The following ERBB4 variants were observed in gnomAD, a reference collection of about 807,000 sequenced individuals.
The protein encoded by ERBB4 is receptor tyrosine-protein kinase erbB-4.
Under a neutral mutation model 158.0 loss-of-function variants are expected in ERBB4, and 42 were observed. That is an observed-to-expected ratio of 0.27 (90% CI 0.21 to 0.34). The LOEUF (loss-of-function observed/expected upper bound fraction) is 0.34. Ranked by LOEUF, ERBB4 falls within the 10% of genes least tolerant of loss-of-function variation. The pLI is 1.00. For missense variants in ERBB4, 1,333 were observed against 1,624.1 expected (o/e 0.82, Z 3.08); for synonymous variants, 583 against 558.7 (o/e 1.04, Z -0.61).
rs538294171 is a variant in ERBB4, at chr2:212,148,759, C to T, written c.83-23856G>A. Among the ~76,000 whole-genome samples the T allele has an allele frequency of 6.7e-5, 10 of 148,532 alleles. No homozygotes were observed. In the East Asian group the frequency reaches 7.8e-4, roughly 12 times the overall value. On this transcript the variant is annotated intron_variant, in intron 1 of 27. Coordinates refer to ENST00000342788, the MANE Select transcript of ERBB4 (RefSeq NM_005235.3). Reference sequence around the variant, plus strand: ...TATTCACAATAGCAAAGACTTGGAACCAACCCAAATGTCCAACAATGATAG... The same window carrying T: ...TATTCACAATAGCAAAGACTTGGAATCAACCCAAATGTCCAACAATGATAG...
intron 1 of ERBB4, among the ~76,000 whole-genome samples, chr2:212,240,131 C>T (rs1349463219): frequency 6.6e-6 from 1 of 152,128 alleles, no homozygotes; most frequent in Non-Finnish European, 1.5e-5. Context: ...TTTGATCTTC[C>T]ATGAGGCTAG....
intron 1 of ERBB4, among the ~76,000 whole-genome samples, chr2:212,537,854 G>A (rs1308413404): frequency 1.3e-5 from 2 of 151,916 alleles, no homozygotes; most frequent in African/African-American, 2.4e-5. Flanking sequence ...TCCGGGCCCC[G>A]GACCGAGGCG....
At chr2:212,428,879 C>G (rs188841435) in intron 1 of ERBB4, among the ~76,000 whole-genome samples, 93 of 152,160 alleles carry the variant, frequency 6.1e-4, no homozygotes, top group African/African-American at 2.2e-3. Flanking sequence ...CAAGTGCACT[C>G]CCAGGCAGCA....
intron 20 of ERBB4, among the ~76,000 whole-genome samples, chr2:211,533,183 A>G (rs1453658320): frequency 1.3e-5 from 2 of 151,844 alleles, no homozygotes; most frequent in Non-Finnish European, 2.9e-5. Context: ...TTCATTTTTT[A>G]ATTGTTCCAC....
chr2:211,513,235 A>G (rs2065926238), intron 20 of ERBB4, among the ~76,000 whole-genome samples: 1 of 152,052 alleles, frequency 6.6e-6, no homozygotes, highest in South Asian at 2.1e-4. Context: ...AGTGCAATGG[A>G]AATAACAAAT....
At chr2:211,490,597 T>C (rs1297815194) in intron 20 of ERBB4, among the ~76,000 whole-genome samples, 1 of 152,022 alleles carries the variant, frequency 6.6e-6, no homozygotes, top group East Asian at 1.9e-4. Flanking sequence ...TCAGAAGCTA[T>C]GGAGAGGTGA....
intron 1 of ERBB4, among the ~76,000 whole-genome samples, chr2:212,474,170 G>T (rs183140751): frequency 6.5e-4 from 99 of 151,286 alleles, no homozygotes; most frequent in African/African-American, 2.3e-3. Context: ...CCAATTAATG[G>T]ACCAATATGA....
rs1559707275 is a variant in ERBB4, at chr2:212,192,026, A to ATAT, written c.83-67126_83-67124dup. Reference sequence around the variant, plus strand: ...ATATATAATATATGTTATATGTTATATATGTTATATGTTATATATATGTTA... The same window carrying ATAT: ...ATATATAATATATGTTATATGTTATATATTATGTTATATGTTATATATATGTTA... On this transcript the variant is annotated intron_variant, in intron 1 of 27. Coordinates refer to ENST00000342788, the MANE Select transcript of ERBB4 (RefSeq NM_005235.3). Among the ~76,000 whole-genome samples, 15 of 18,708 alleles carry ATAT rather than the reference A, an allele frequency of 8.0e-4. No homozygotes were observed. In the South Asian group the frequency reaches 8.0e-3, roughly 10 times the overall value. The allele number at this position is 18,708 out of a possible 152,430, so 12.3% of individuals were successfully genotyped here.
At chr2:211,982,508 C>A (rs1047251212) in intron 2 of ERBB4, among the ~76,000 whole-genome samples, 6 of 152,116 alleles carry the variant, frequency 3.9e-5, no homozygotes, top group African/African-American at 1.4e-4. Flanking sequence ...GGAGTACAGA[C>A]AAAGAGGATA....
At chr2:211,924,656 G>A (rs574331530) in intron 3 of ERBB4, among the ~76,000 whole-genome samples, 28 of 152,080 alleles carry the variant, frequency 1.8e-4, no homozygotes, top group Non-Finnish European at 3.5e-4. Flanking sequence ...AAAGGAAAAT[G>A]AAAACATACA....
At chr2:212,107,854 C>T (rs1007732899) in intron 2 of ERBB4, among the ~76,000 whole-genome samples, 1 of 152,154 alleles carries the variant, frequency 6.6e-6, no homozygotes, top group Non-Finnish European at 1.5e-5. Flanking sequence ...TTCTATTATT[C>T]TCTCATATCT....
chr2:211,861,133 T>TATATTATATA (rs2078030857), intron 3 of ERBB4, among the ~76,000 whole-genome samples: 1 of 54,180 alleles, frequency 1.8e-5, no homozygotes, highest in Non-Finnish European at 3.3e-5. Context: ...TTTATATATA[T>TATATTATATA]ATATATATAT....
At chr2:212,505,259 G>A (rs1168685859) in intron 1 of ERBB4, among the ~76,000 whole-genome samples, 2 of 152,074 alleles carry the variant, frequency 1.3e-5, no homozygotes, top group African/African-American at 4.8e-5. Flanking sequence ...ACCATGCCTG[G>A]CTAATTTTTG....
chr2:212,011,655 CA>C (rs1352094105), intron 2 of ERBB4, among the ~76,000 whole-genome samples: 3 of 151,720 alleles, frequency 2.0e-5, no homozygotes, highest in Non-Finnish European at 4.4e-5. Context: ...GAGGCTGAGG[CA>C]GGAGAACTGC....
At chr2:212,074,741 A>G (rs2078224087) in intron 2 of ERBB4, among the ~76,000 whole-genome samples, 1 of 151,930 alleles carries the variant, frequency 6.6e-6, no homozygotes, top group African/African-American at 2.4e-5. Context: ...ATTTTCTTAC[A>G]ACTAGACACT....
intron 2 of ERBB4, among the ~76,000 whole-genome samples, chr2:211,964,418 C>T (rs1251354465): frequency 7.9e-5 from 12 of 152,062 alleles, no homozygotes; most frequent in Non-Finnish European, 1.3e-4. Flanking sequence ...TTCGGAATTA[C>T]GTTAAACTAG....
At chr2:212,446,587 A>G (rs183953745) in intron 1 of ERBB4, among the ~76,000 whole-genome samples, 1 of 20,856 alleles carries the variant, frequency 4.8e-5, no homozygotes, top group Non-Finnish European at 7.6e-5. Context: ...CCATATATAT[A>G]TATGTATATA....
In ERBB4 at chr2:211,779,573, C is replaced by T. The variant is rs78459299; in HGVS notation, c.556+8452G>A. On this transcript the variant is annotated intron_variant, in intron 4 of 27. Transcript: ENST00000342788. ...TCTGATTATCCTGATGCATACACCACGTGAAATATTATCTTATCCATATGG... is the reference window on the plus strand; with the variant it reads ...TCTGATTATCCTGATGCATACACCATGTGAAATATTATCTTATCCATATGG... 5.9e-5 allele frequency: 9 copies of T among 152,278 alleles called. No individual in the cohort carries two copies. The East Asian group carries it at 1.2e-3, about 20-fold the overall frequency. 9.4% of individuals were successfully genotyped at this position (152,278 alleles called of 1,614,324 possible).
chr2:211,441,846 C>T (rs1048752288), intron 20 of ERBB4, among the ~76,000 whole-genome samples: 1 of 152,124 alleles, frequency 6.6e-6, no homozygotes, highest in East Asian at 1.9e-4. Context: ...TAGTAACAAA[C>T]AAACAGTCTC....
Sources: gnomAD v4.1 joint callset for allele counts (sites outside exome capture counted in the v4.1 genomes callset) on GRCh38, gnomAD v4.1.1 for gene constraint, MANE v1.5 for transcripts, NCBI Gene and HGNC (gene_info 2026-07-23, HGNC 2026-07-21) for gene names.